DCDC2: variants seen among roughly 807,000 people sequenced by gnomAD.
DCDC2 encodes doublecortin domain containing 2.
A neutral mutation model predicts 50.2 loss-of-function variants in DCDC2; 40 were observed. That is an observed-to-expected ratio of 0.80 (90% confidence interval 0.62 to 1.04). The LOEUF is 1.04. Among genes scored for constraint, DCDC2 ranks in the 50% least tolerant of loss-of-function variants. The pLI is 0.00. For missense variants in DCDC2, 570 were observed against 581.9 expected (o/e 0.98, Z 0.21); for synonymous variants, 234 against 210.6 (o/e 1.11, Z -0.96).
intron 6 of DCDC2, among the ~76,000 whole-genome samples, chr6:24,285,505 A>G (rs1763583300): frequency 1.3e-5 from 2 of 152,210 alleles, no homozygotes; most frequent in Non-Finnish European, 2.9e-5. Flanking sequence ...GACCACGAGT[A>G]TCAGAGAGAG....
chr6:24,359,353 T>TTATATATATATTATATATATTTTA (rs374359637), upstream of DCDC2, among the ~76,000 whole-genome samples: 483 of 60,930 alleles, frequency 7.9e-3, 33 homozygotes, highest in African/African-American at 0.032. Context: ...TATATATATT[T>TTATATATATATTATATATATTTTA]TATGTATATT....
chr6:24,309,085 G>A (rs1174830377), intron 2 of DCDC2, among the ~76,000 whole-genome samples: 2 of 152,080 alleles, frequency 1.3e-5, no homozygotes, highest in Non-Finnish European at 2.9e-5. Context: ...CCAGCACTTG[G>A]GGAGGCCAAG....
At chr6:24,291,245 G>A (rs1005153654) in intron 4 of DCDC2, among the ~76,000 whole-genome samples, 167 bp from the exon 5 acceptor site, 1 of 152,120 alleles carries the variant, frequency 6.6e-6, no homozygotes, top group African/African-American at 2.4e-5. Flanking sequence ...TTGCATTATA[G>A]ATGCCTCAAA....
At chr6:24,217,959 T>A (rs780391482) in intron 7 of DCDC2, among the ~76,000 whole-genome samples, 3 of 152,188 alleles carry the variant, frequency 2.0e-5, no homozygotes, top group Non-Finnish European at 4.4e-5. Flanking sequence ...TAAAAACAAA[T>A]TTTCCGTAAG....
intron 2 of DCDC2, among the ~76,000 whole-genome samples, chr6:24,312,412 C>T (rs1049877420): frequency 5.3e-5 from 8 of 152,012 alleles, no homozygotes; most frequent in East Asian, 1.9e-4. Flanking sequence ...AGGCCAGCCA[C>T]GGAAATATTT....
chr6:24,294,066 T>C (rs924268148), intron 4 of DCDC2, among the ~76,000 whole-genome samples: 24 of 152,094 alleles, frequency 1.6e-4, no homozygotes, highest in African/African-American at 5.3e-4. Flanking sequence ...AATGCCCACA[T>C]CAAAAAGTTG....
chr6:24,280,350 T>C (rs975361065), intron 6 of DCDC2, among the ~76,000 whole-genome samples: 7 of 151,982 alleles, frequency 4.6e-5, no homozygotes, highest in African/African-American at 1.4e-4. Context: ...TTAATTATTA[T>C]GGTCACTGCA....
chr6:24,293,610 T>C (rs72830874), intron 4 of DCDC2, among the ~76,000 whole-genome samples: 17,344 of 152,190 alleles, frequency 0.11, 1,240 homozygotes, highest in East Asian at 0.17. Context: ...CCACTGACAG[T>C]ATTAGATAGA....
chr6:24,192,652 T>A (rs1164666576), intron 8 of DCDC2, among the ~76,000 whole-genome samples: 2 of 151,954 alleles, frequency 1.3e-5, no homozygotes, highest in Admixed American at 6.6e-5. Context: ...AGCTCTTAGA[T>A]GTTAAAAATA....
intron 2 of DCDC2, among the ~76,000 whole-genome samples, chr6:24,325,474 C>T (rs1759843135): frequency 1.3e-5 from 2 of 149,574 alleles, no homozygotes; most frequent in African/African-American, 2.4e-5. Flanking sequence ...AACTAAACGT[C>T]CCTCACATGC....
chr6:24,201,508 T>C (rs779801529), intron 8 of DCDC2, among the ~76,000 whole-genome samples: 9 of 152,152 alleles, frequency 5.9e-5, no homozygotes, highest in Non-Finnish European at 1.2e-4. Flanking sequence ...AAGCAGTGTT[T>C]AGAGGGAAAT....
chr6:24,192,123 G>A (rs1761326419), intron 8 of DCDC2, among the ~76,000 whole-genome samples: 1 of 152,120 alleles, frequency 6.6e-6, no homozygotes, highest in African/African-American at 2.4e-5. Flanking sequence ...ATCTGGAGAT[G>A]TTGAACCTTA....
chr6:24,312,979 AT>A (rs1236756411), intron 2 of DCDC2, among the ~76,000 whole-genome samples: 1 of 152,216 alleles, frequency 6.6e-6, no homozygotes, highest in Non-Finnish European at 1.5e-5. Flanking sequence ...GTAAATGTTT[AT>A]ATTCCTAAGT....
chr6:24,264,834 TA>T (rs533997010), intron 7 of DCDC2, among the ~76,000 whole-genome samples: 81 of 143,480 alleles, frequency 5.6e-4, no homozygotes, highest in Middle Eastern at 3.6e-3. Flanking sequence ...CCGAATGGAT[TA>T]AAAAAAAAAA....
At chr6:24,195,288 G>A (rs1252340039) in intron 8 of DCDC2, among the ~76,000 whole-genome samples, 1 of 152,198 alleles carries the variant, frequency 6.6e-6, no homozygotes, top group Non-Finnish European at 1.5e-5. Flanking sequence ...CCCACAATGA[G>A]AAGGGGGCTA....
At chr6:24,189,662 G>A (rs1428313739) in intron 8 of DCDC2, among the ~76,000 whole-genome samples, 1 of 152,104 alleles carries the variant, frequency 6.6e-6, no homozygotes, top group Non-Finnish European at 1.5e-5. Context: ...GAATTTTTTA[G>A]TGAAGATATC....
chr6:24,239,437 A>G (rs1762521257), intron 7 of DCDC2, among the ~76,000 whole-genome samples: 1 of 152,158 alleles, frequency 6.6e-6, no homozygotes, highest in African/African-American at 2.4e-5. Context: ...ACTCTGTGAT[A>G]GGCACAAACT....
chr6:24,221,278 TC>T (rs1409518747), intron 7 of DCDC2, among the ~76,000 whole-genome samples: 2 of 152,044 alleles, frequency 1.3e-5, no homozygotes, highest in African/African-American at 4.8e-5. Flanking sequence ...TAACAACACG[TC>T]CCACAGCTCT....
At chr6:24,222,944 G>C (rs116092017) in intron 7 of DCDC2, among the ~76,000 whole-genome samples, 109 of 151,992 alleles carry the variant, frequency 7.2e-4, no homozygotes, top group African/African-American at 2.6e-3. Context: ...GCAAATAGCT[G>C]AACTTTTAAG....
Sources: allele counts gnomAD v4.1 joint callset (sites outside exome capture counted in the v4.1 genomes callset), GRCh38; gene constraint gnomAD v4.1.1; transcripts MANE v1.5; gene names NCBI Gene and HGNC (gene_info 2026-07-23, HGNC 2026-07-21).